Variants in CCZ1 observed in about 807,000 individuals in gnomAD.
CCZ1 encodes vacuolar fusion protein CCZ1 homolog.
In CCZ1, 19 loss-of-function variants were observed where a neutral mutation model predicts 57.8. The observed-to-expected ratio is 0.33, with a 90% CI of 0.23 to 0.48. The LOEUF (loss-of-function observed/expected upper bound fraction) is 0.48, where lower values mean the gene tolerates loss of function less well. CCZ1 is among the 20% of genes least tolerant of loss of function. The pLI is 0.99. For missense variants in CCZ1, 200 were observed against 492.0 expected (o/e 0.41, Z 5.61); for synonymous variants, 81 against 167.0 (o/e 0.49, Z 3.97).
At chr7:5,919,653 A>ATAGG in intron 11 of CCZ1, 196 bp from the exon 12 acceptor site, 1 of 655,428 alleles carries the variant, frequency 1.5e-6, no homozygotes, top group East Asian at 3.0e-5. Flanking sequence ...TCACGGTGAG[A>ATAGG]TAGGTCTTCG....
chr7:5,910,680 A>C (rs1335569438), intron 8 of CCZ1, among the ~76,000 whole-genome samples: 1 of 120,728 alleles, frequency 8.3e-6, no homozygotes, highest in Non-Finnish European at 1.7e-5. Context: ...ATTGGATTTT[A>C]CTTTACTTTT....
rs1382904253 is a variant in CCZ1 at position 5,921,005 on chromosome 7, GCAATGGT to G, written c.1106+1041_1106+1047del. ...GTCTCAGTTGCCCAGGCTGGAGTGT[GCAATGGT>G]CTGTTCTCAGCTCACTGCAACCTCC... is the stretch of plus-strand genomic sequence containing the variant. On this transcript the variant is annotated intron_variant, in intron 12 of 14. Coordinates refer to ENST00000325974, the MANE Select transcript of CCZ1 (RefSeq NM_015622.6). 4.5e-4 allele frequency among the ~76,000 whole-genome samples: 40 copies of G among 88,984 alleles called. 6 individuals carry two copies. Among genetic ancestry groups the G allele is most frequent in the South Asian group, 6.6e-4 (2 of 3,048 alleles). 58.4% of individuals were successfully genotyped at this position (88,984 alleles called of 152,430 possible).
At position 5,910,555 on chromosome 7, in the gene CCZ1, T is replaced by A. The variant is rs377211593; in HGVS notation, c.780+439T>A. 1.2e-4 allele frequency among the ~76,000 whole-genome samples: 18 copies of A among 145,726 alleles called. 2 individuals are homozygous for A. The highest frequency in any genetic ancestry group is 4.3e-4 in the African/African-American group (17 of 39,928). ...GTTGGCCAGGCTGGTCTCGAACTCC[T>A]GACCTTGTGATCTGCCCACCTTGGC... On this transcript the variant is annotated intron_variant, in intron 8 of 14. Transcript: ENST00000325974.
rs918068053 is a variant in CCZ1 at position 5,907,764 on chromosome 7, C to T, written c.699-2271C>T. Among the ~76,000 whole-genome samples, 31 of 126,246 alleles carry T rather than the reference C, an allele frequency of 2.5e-4. 4 individuals carry two copies. The highest frequency in any genetic ancestry group is 6.4e-4 in the East Asian group (2 of 3,128). 82.8% of individuals were successfully genotyped at this position (126,246 alleles called of 152,430 possible). ...GTTCTGTTGTCACCTCCAGTGTGCT[C>T]GTGGGGAAAGGTCAGTCCCAGGAAG... is the stretch of plus-strand genomic sequence containing the variant. On this transcript the variant is annotated intron_variant, in intron 7 of 14. Coordinates refer to ENST00000325974, the MANE Select transcript of CCZ1 (RefSeq NM_015622.6).
chr7:5,907,018 C>T (rs1277332024), intron 7 of CCZ1, among the ~76,000 whole-genome samples: 1 of 148,680 alleles, frequency 6.7e-6, no homozygotes, highest in Non-Finnish European at 1.5e-5. Flanking sequence ...CAGGTGCATA[C>T]CACAACACCC....
chr7:5,902,789 A>G (rs773661730), intron 6 of CCZ1, 45 bp downstream of exon 6: 3 of 1,573,230 alleles, frequency 1.9e-6, no homozygotes, highest in Admixed American at 1.9e-5. Context: ...AGCATTCAGC[A>G]GGTTTTTAGA....
chr7:5,911,055 C>T lies in CCZ1; in HGVS notation c.781-806C>T, dbSNP rs112643026. 2.0e-5 allele frequency among the ~76,000 whole-genome samples: 3 copies of T among 148,578 alleles called. 1 individual carries two copies. The highest frequency in any genetic ancestry group is 5.0e-5 in the African/African-American group (2 of 40,072). On this transcript the variant is annotated intron_variant, in intron 8 of 14. Coordinates refer to ENST00000325974, the MANE Select transcript of CCZ1 (RefSeq NM_015622.6). ...CTGGCCAAAAAATTGGATTTTAGAT[C>T]GGGTTCTAGGAACCTTTAAAATGCC...
chr7:5,912,375 C>T (rs1307775434), intron 9 of CCZ1, among the ~76,000 whole-genome samples: 1 of 104,692 alleles, frequency 9.6e-6, no homozygotes, highest in Non-Finnish European at 1.8e-5. Flanking sequence ...CTTCAGCATA[C>T]CCTTTTTTTT....
chr7:5,910,107 C>T lies in CCZ1; in HGVS notation c.771C>T (p.Ile257=), dbSNP rs754167679. The T allele has an allele frequency of 8.3e-6, 13 of 1,574,610 alleles. No homozygotes were observed. The highest frequency in any genetic ancestry group is 2.2e-5 in the South Asian group (2 of 88,906). The change falls in exon 8 of 15, where the codon ATC becomes ATT. Residue 257 remains isoleucine, a synonymous_variant. Transcript: ENST00000325974. ...CCACCTCCCTTTTTCCAAGGCACAT[C>T]GAACCTGAGGTATGATGGGTACCAT... The part of the protein sequence containing the change: ...YLTTSLFPRH[I]EPELAGRDSP...
chr7:5,904,451 G>A (rs1781756422), intron 6 of CCZ1, among the ~76,000 whole-genome samples: 1 of 146,170 alleles, frequency 6.8e-6, no homozygotes, highest in Admixed American at 6.7e-5. Flanking sequence ...CAGCGCTTTG[G>A]GACGCCTAGA....
intron 7 of CCZ1, among the ~76,000 whole-genome samples, chr7:5,908,851 TTG>T (rs1180292650): frequency 3.4e-5 from 5 of 147,042 alleles, no homozygotes; most frequent in African/African-American, 1.0e-4. Flanking sequence ...GCCTGAAAGC[TTG>T]TTTTTCTCCT....
rs576212704 is a variant in CCZ1, at chr7:5,920,379, C to T, written c.1106+413C>T. On this transcript the variant is annotated intron_variant, in intron 12 of 14. Transcript: ENST00000325974. ...CACTGGGCCTGGGTACTCAGTCTGG[C>T]AGCCTGAAGTGTCTACACTGAGTGG... Among the ~76,000 whole-genome samples, 291 of 115,018 alleles carry T rather than the reference C, an allele frequency of 2.5e-3. 7 individuals are homozygous for T. The highest frequency in any genetic ancestry group is 9.3e-3 in the Middle Eastern group (2 of 216). The allele number at this position is 115,018 out of a possible 152,430, so 75.5% of individuals were successfully genotyped here.
intron 9 of CCZ1, 128 bp from the exon 10 acceptor site, chr7:5,912,715 G>A (rs1779064260): frequency 1.8e-6 from 2 of 1,081,858 alleles, no homozygotes; most frequent in Non-Finnish European, 2.8e-6. Flanking sequence ...ATTCTGATAT[G>A]GTGTTTGCCA....
intron 8 of CCZ1, among the ~76,000 whole-genome samples, chr7:5,911,293 C>G (rs1261370202): frequency 6.7e-6 from 1 of 148,898 alleles, no homozygotes; most frequent in African/African-American, 2.5e-5. Flanking sequence ...GTTGAACTCA[C>G]TCTCTTCGCT....
At chr7:5,901,409 G>A (rs545946868) in intron 4 of CCZ1, 11 of 427,166 alleles carry the variant, frequency 2.6e-5, no homozygotes, top group African/African-American at 8.8e-5. Context: ...CGCTTGAACC[G>A]GGGACGCAAA....
intron 1 of CCZ1, among the ~76,000 whole-genome samples, chr7:5,900,056 C>T (rs866180773): frequency 2.0e-5 from 3 of 150,856 alleles, no homozygotes; most frequent in East Asian, 2.0e-4. Context: ...ATAATAGAGA[C>T]GTCTCACTGT....
intron 6 of CCZ1, among the ~76,000 whole-genome samples, chr7:5,904,329 GCCCGCCTT>G (rs1781753558): frequency 7.0e-6 from 1 of 142,920 alleles, no homozygotes; most frequent in Admixed American, 6.8e-5. Context: ...CAAGTGATGT[GCCCGCCTT>G]GGCCTCCCAA....
chr7:5,910,881 A>G lies in CCZ1; in HGVS notation c.780+765A>G, dbSNP rs529315025. On this transcript the variant is annotated intron_variant, in intron 8 of 14. Transcript: ENST00000325974. The stretch of plus-strand genomic sequence containing the variant: ...CTCCCGAGTAGCTGAGATTATAGGC[A>G]CCTGCCACCATGCCCGGCTAATTTT... 1.3e-4 allele frequency among the ~76,000 whole-genome samples: 19 copies of G among 146,466 alleles called. 1 individual carries two copies. In the South Asian group the frequency reaches 4.1e-3, roughly 32 times the overall value.
chr7:5,906,541 C>G lies in CCZ1; in HGVS notation c.698+1272C>G, dbSNP rs568032955. Reference sequence around the variant, plus strand: ...TTTTACCATGTTGGCCAGGCTGGTCCTAAACCCCTGACCTCAGGTGATTCC... The same window carrying G: ...TTTTACCATGTTGGCCAGGCTGGTCGTAAACCCCTGACCTCAGGTGATTCC... On this transcript the variant is annotated intron_variant, in intron 7 of 14. Transcript: ENST00000325974. Among the ~76,000 whole-genome samples, 2 of 147,720 alleles carry G rather than the reference C, an allele frequency of 1.4e-5. 1 individual carries two copies. The highest frequency in any genetic ancestry group is 4.6e-4 in the East Asian group (2 of 4,376).
Sources: allele counts gnomAD v4.1 joint callset (sites outside exome capture counted in the v4.1 genomes callset), GRCh38; gene constraint gnomAD v4.1.1; transcripts MANE v1.5; gene names NCBI Gene and HGNC (gene_info 2026-07-23, HGNC 2026-07-21).